The following CACNA2D1 variants were observed in gnomAD, a reference collection of about 807,000 sequenced individuals.
CACNA2D1 encodes the protein calcium voltage-gated channel auxiliary subunit alpha2delta 1.
CACNA2D1 carries 53 observed loss-of-function variants against 171.5 expected under a neutral mutation model. The ratio of observed to expected loss-of-function variants is 0.31; its 90% CI spans 0.25 to 0.39. The LOEUF (loss-of-function observed/expected upper bound fraction) is 0.39, where lower values mean the gene tolerates loss of function less well. Among genes scored for constraint, CACNA2D1 ranks in the 10% least tolerant of loss-of-function variants. CACNA2D1 has a pLI of 1.00. For missense variants in CACNA2D1, 903 were observed against 1,299.8 expected (o/e 0.69, Z 4.69); for synonymous variants, 442 against 443.1 (o/e 1.00, Z 0.03).
chr7:82,059,552 A>G (rs1584579834), intron 10 of CACNA2D1, among the ~76,000 whole-genome samples: 1 of 152,242 alleles, frequency 6.6e-6, no homozygotes, highest in East Asian at 1.9e-4. Flanking sequence ...GGTGTCCGTG[A>G]GTAAAGGGGC....
chr7:82,442,213 C>T (rs111747687), intron 1 of CACNA2D1, among the ~76,000 whole-genome samples: 20 of 152,226 alleles, frequency 1.3e-4, no homozygotes, highest in Middle Eastern at 6.8e-3. Flanking sequence ...GGATTTCAAC[C>T]GCTAAAGATT....
At chr7:82,045,550 T>A (rs1001435252) in intron 10 of CACNA2D1, among the ~76,000 whole-genome samples, 1 of 152,204 alleles carries the variant, frequency 6.6e-6, no homozygotes, top group Non-Finnish European at 1.5e-5. Context: ...TTAGGCAATT[T>A]GTTTTTACAA....
rs576331491 is a variant in CACNA2D1 at position 82,259,600 on chromosome 7, C to T, written c.294+75535G>A. On this transcript the variant is annotated intron_variant, in intron 3 of 38. Transcript: ENST00000356860. ...AATACTACAGAGTGATGAAAGAAAG[C>T]AGAAAGACATAATTATAAACATCCA... 3.9e-5 allele frequency among the ~76,000 whole-genome samples: 6 copies of T among 152,176 alleles called. No individual in the cohort carries two copies. In the East Asian group the frequency reaches 1.2e-3, roughly 29 times the overall value.
chr7:82,029,711 G>A (rs1437884910), intron 12 of CACNA2D1: 1 of 151,452 alleles, frequency 6.6e-6, no homozygotes, highest in Non-Finnish European at 1.5e-5. Flanking sequence ...ATATAAATAT[G>A]TGTGGATATA....
rs1792233429 is a variant in CACNA2D1, at chr7:81,948,611, C to A, written c.*1781G>T. On this transcript the variant is annotated 3_prime_UTR_variant, in exon 39 of 39. Coordinates refer to ENST00000356860, the MANE Select transcript of CACNA2D1 (RefSeq NM_000722.4). ...TTGGTTATATCTTTGATATGTGGAG[C>A]ATATTAAAGCATGCTGGATAATGTT... The A allele has an allele frequency of 6.6e-6, 1 of 151,674 alleles. No homozygotes were observed. Among genetic ancestry groups the A allele is most frequent in the South Asian group, 2.1e-4 (1 of 4,826 alleles). The allele number at this position is 151,674 out of a possible 1,614,324, so 9.4% of individuals were successfully genotyped here.
At chr7:82,153,846 A>T (rs1333718953) in intron 4 of CACNA2D1, among the ~76,000 whole-genome samples, 1 of 80,684 alleles carries the variant, frequency 1.2e-5, no homozygotes, top group African/African-American at 3.5e-5. Context: ...AGCAAACTAT[A>T]AAAAAAAAAC....
rs985383983 is a variant in CACNA2D1 at position 82,334,474 on chromosome 7, T to A, written c.294+661A>T. 3.9e-5 allele frequency among the ~76,000 whole-genome samples: 6 copies of A among 152,250 alleles called. No homozygotes were observed. In the East Asian group the frequency reaches 1.2e-3, roughly 29 times the overall value. ...GACTAAATGAAGAAATTGAGATACA[T>A]CCTCATAAAATATTTAACTGAATAA... On this transcript the variant is annotated intron_variant, in intron 3 of 38. Coordinates refer to ENST00000356860, the MANE Select transcript of CACNA2D1 (RefSeq NM_000722.4).
intron 3 of CACNA2D1, among the ~76,000 whole-genome samples, chr7:82,275,227 T>C (rs532672750): frequency 1.3e-5 from 2 of 152,252 alleles, no homozygotes; most frequent in Admixed American, 1.3e-4. Flanking sequence ...TACAGCAAGA[T>C]CCTTGCCTCT....
At chr7:82,179,167 G>T (rs1035416646) in intron 3 of CACNA2D1, among the ~76,000 whole-genome samples, 2 of 152,012 alleles carry the variant, frequency 1.3e-5, no homozygotes, top group African/African-American at 4.8e-5. Flanking sequence ...GAAGTGGCAA[G>T]GATACACCCT....
chr7:82,362,268 T>C (rs990045364), intron 1 of CACNA2D1, among the ~76,000 whole-genome samples: 2 of 152,194 alleles, frequency 1.3e-5, no homozygotes, highest in Non-Finnish European at 1.5e-5. Context: ...CTGTTCCTAG[T>C]GCTCCATTTA....
chr7:82,081,394 T>C (rs1809752882), intron 7 of CACNA2D1, among the ~76,000 whole-genome samples: 2 of 152,190 alleles, frequency 1.3e-5, no homozygotes, highest in Admixed American at 1.3e-4. Context: ...TTTAAAGTTA[T>C]GACATTGTCT....
chr7:82,172,478 G>A (rs1008914542), intron 3 of CACNA2D1, among the ~76,000 whole-genome samples: 25 of 151,602 alleles, frequency 1.6e-4, no homozygotes, highest in Non-Finnish European at 1.0e-4. Flanking sequence ...TTTGATATAG[G>A]GTCTCACTCT....
intron 25 of CACNA2D1, 64 bp from the exon 26 acceptor site, chr7:81,971,928 A>G (rs1414377063): frequency 9.7e-7 from 1 of 1,026,090 alleles, no homozygotes; most frequent in African/African-American, 1.6e-5. Flanking sequence ...AATGAAAAAT[A>G]TATTTTCTAT....
In CACNA2D1 at chr7:81,994,854, G is replaced by C. The variant is rs1309102854; in HGVS notation, c.1734+14C>G. On this transcript the variant is annotated intron_variant, in intron 20 of 38. Transcript: ENST00000356860. ...ATAATTTTTATTTAAGAATAAGCTA[G>C]AATCAATTCTTACCTCATCTTGAGA... 2 of 1,267,752 alleles carry C rather than the reference G, an allele frequency of 1.6e-6. No individual in the cohort carries two copies. The highest frequency in any genetic ancestry group is 2.3e-6 in the Non-Finnish European group (2 of 865,508). 78.5% of individuals were successfully genotyped at this position (1,267,752 alleles called of 1,614,324 possible). A position where few individuals can be genotyped will look rare whatever the true frequency, so the allele number is the denominator to read the frequency against.
chr7:82,323,256 T>TA (rs1563366826), intron 3 of CACNA2D1, among the ~76,000 whole-genome samples: 2 of 151,752 alleles, frequency 1.3e-5, no homozygotes, highest in South Asian at 4.1e-4. Context: ...GCGAGCTTGC[T>TA]ATGTTGTTAA....
chr7:81,958,273 A>C (rs1245448270), intron 38 of CACNA2D1, among the ~76,000 whole-genome samples: 1 of 152,062 alleles, frequency 6.6e-6, no homozygotes, highest in African/African-American at 2.4e-5. Flanking sequence ...CTAATTGCAT[A>C]ATATTATCTG....
At chr7:82,105,566 A>G (rs1787657638) in intron 6 of CACNA2D1, among the ~76,000 whole-genome samples, 3 of 152,030 alleles carry the variant, frequency 2.0e-5, no homozygotes, top group Admixed American at 2.0e-4. Flanking sequence ...TATAAATAAT[A>G]CTATCTCCAT....
chr7:82,158,669 G>A (rs1233788979), intron 4 of CACNA2D1, among the ~76,000 whole-genome samples: 2 of 151,778 alleles, frequency 1.3e-5, no homozygotes, highest in Non-Finnish European at 2.9e-5. Context: ...TGTGCTACTG[G>A]AAACAATATT....
At chr7:82,123,981 C>A (rs542385184) in intron 5 of CACNA2D1, among the ~76,000 whole-genome samples, 1 of 151,776 alleles carries the variant, frequency 6.6e-6, no homozygotes, top group Non-Finnish European at 1.5e-5. Context: ...CTATTATTAC[C>A]CAATCCAAAC....
Sources: gnomAD v4.1 joint callset for allele counts (sites outside exome capture counted in the v4.1 genomes callset) on GRCh38, gnomAD v4.1.1 for gene constraint, MANE v1.5 for transcripts, NCBI Gene and HGNC (gene_info 2026-07-23, HGNC 2026-07-21) for gene names.